The following ANKRD31 variants were observed in gnomAD, a reference collection of about 807,000 sequenced individuals.
ANKRD31 encodes the protein ankyrin repeat domain-containing protein 31.
Under a neutral mutation model 186.0 loss-of-function variants are expected in ANKRD31, and 147 were observed. The observed-to-expected ratio is 0.79, with a 90% CI of 0.69 to 0.91. ANKRD31 has a LOEUF of 0.91. ANKRD31 is among the 40% of genes least tolerant of loss of function. The pLI is 0.00. For synonymous variants in ANKRD31, 673 were observed against 736.4 expected, an observed-to-expected ratio of 0.91 and a Z score of 1.39; for missense variants, 1,986 against 2,148.8, an observed-to-expected ratio of 0.92 and a Z score of 1.50.
chr5:75,071,844 G>A (rs1010846348), intron 25 of ANKRD31, among the ~76,000 whole-genome samples: 1 of 152,158 alleles, frequency 6.6e-6, no homozygotes, highest in Non-Finnish European at 1.5e-5. Context: ...TAGGGATAGG[G>A]CAGGAATCTT....
At chr5:75,187,488 G>C (rs542611668) in intron 10 of ANKRD31, among the ~76,000 whole-genome samples, 1 of 151,818 alleles carries the variant, frequency 6.6e-6, no homozygotes, top group African/African-American at 2.4e-5. Context: ...AAAGAAACAT[G>C]TTAAGAGAGG....
chr5:75,133,191 T>C (rs564770650), intron 17 of ANKRD31, among the ~76,000 whole-genome samples: 1 of 152,306 alleles, frequency 6.6e-6, no homozygotes, highest in Admixed American at 6.5e-5. Context: ...ATGAGCTAAC[T>C]GCTCCAATTA....
At chr5:75,138,615 T>A (rs1003835464) in intron 16 of ANKRD31, among the ~76,000 whole-genome samples, 1 of 152,190 alleles carries the variant, frequency 6.6e-6, no homozygotes, top group Non-Finnish European at 1.5e-5. Flanking sequence ...CCGTTCTGTC[T>A]ACCCTCTCTG....
At chr5:75,195,538 T>C in intron 7 of ANKRD31, 93 bp downstream of exon 7, 1 of 1,077,860 alleles carries the variant, frequency 9.3e-7, no homozygotes. Flanking sequence ...TATTTTCAGC[T>C]ACTTGCTCCA....
intron 23 of ANKRD31, among the ~76,000 whole-genome samples, chr5:75,087,740 GA>G (rs1257387993): frequency 6.6e-6 from 1 of 152,036 alleles, no homozygotes; most frequent in Non-Finnish European, 1.5e-5. Context: ...TTGTGGCTAA[GA>G]AAATAAAAAT....
At position 75,091,478 on chromosome 5, in the gene ANKRD31, A is replaced by C. The variant is rs1351922326; in HGVS notation, c.5332-77T>G. On this transcript the variant is annotated intron_variant, in intron 22 of 25. Transcript: ENST00000506364. ...GAATTTTTGCTTCTGGCCATGACAA[A>C]GTAACAGGGACCACATATACCCTAA... 2.2e-6 allele frequency: 3 copies of C among 1,365,110 alleles called. No homozygotes were observed. In the African/African-American group the frequency reaches 4.4e-5, roughly 20 times the overall value. The allele number at this position is 1,365,110 out of a possible 1,614,324, so 84.6% of individuals were successfully genotyped here.
intron 20 of ANKRD31, among the ~76,000 whole-genome samples, chr5:75,109,846 C>T (rs1418348080): frequency 2.0e-5 from 3 of 152,044 alleles, no homozygotes; most frequent in African/African-American, 4.8e-5. Context: ...AAAATAGAAG[C>T]TGAGAGAAGA....
At chr5:75,212,196 T>A (rs10066946) in intron 3 of ANKRD31, among the ~76,000 whole-genome samples, 76,681 of 151,928 alleles carry the variant, frequency 0.5, 22,285 homozygotes, top group African/African-American at 0.81. Flanking sequence ...CTCTTTTTTT[T>A]ATTCCTAGTT....
chr5:75,202,084 T>C (rs1755857988), intron 5 of ANKRD31, among the ~76,000 whole-genome samples: 1 of 152,214 alleles, frequency 6.6e-6, no homozygotes, highest in African/African-American at 2.4e-5. Flanking sequence ...CACATATTGA[T>C]TGATGTCTCA....
intron 22 of ANKRD31, among the ~76,000 whole-genome samples, chr5:75,100,029 A>C (rs1388276935): frequency 6.6e-6 from 1 of 152,064 alleles, no homozygotes; most frequent in African/African-American, 2.4e-5. Flanking sequence ...TGTCAATTTT[A>C]GGTCTTTCCT....
rs768232465 is a variant in ANKRD31 at position 75,068,602 on chromosome 5, T to C, written c.5710A>G (p.Ile1904Val). ...RYLQINEILL[I>V]SDQEFLPCHI... ...CATGGGAGAAATTCTTGATCACTGA[T>C]TAATAGTATTTCATTTATTTGTAGA... The change falls in exon 26 of 26, where the codon ATC becomes GTC. Residue 1904 changes from isoleucine to valine, a missense_variant. Physicochemically the swap from Ile to Val is conservative, Grantham distance 29 (BLOSUM62 3). Coordinates refer to ENST00000506364, the MANE Select transcript of ANKRD31 (RefSeq NM_001372053.1). The C allele has an allele frequency of 1.4e-5, 22 of 1,524,084 alleles. No individual in the cohort carries two copies. Among genetic ancestry groups the C allele is most frequent in the Middle Eastern group, 1.7e-4 (1 of 5,984 alleles). 94.4% of individuals were successfully genotyped at this position (1,524,084 alleles called of 1,614,324 possible). A position where few individuals can be genotyped will look rare whatever the true frequency, so the allele number is the denominator to read the frequency against.
chr5:75,195,415 A>T (rs1755395409), intron 7 of ANKRD31, among the ~76,000 whole-genome samples: 1 of 151,728 alleles, frequency 6.6e-6, no homozygotes, highest in African/African-American at 2.4e-5. Flanking sequence ...TTCTAAAAAG[A>T]TCACTCTATG....
At chr5:75,113,343 T>A (rs1346720061) in intron 19 of ANKRD31, among the ~76,000 whole-genome samples, 2 of 152,184 alleles carry the variant, frequency 1.3e-5, no homozygotes, top group African/African-American at 4.8e-5. Context: ...ATAAAACCCA[T>A]CTCATACAGG....
At chr5:75,234,154 C>T (rs1006195720) in intron 1 of ANKRD31, among the ~76,000 whole-genome samples, 5 of 151,904 alleles carry the variant, frequency 3.3e-5, no homozygotes, top group East Asian at 1.9e-4. Flanking sequence ...TAATGTTAAG[C>T]GAAAACTGTA....
intron 20 of ANKRD31, among the ~76,000 whole-genome samples, chr5:75,108,600 C>A (rs570651024): frequency 6.6e-6 from 1 of 152,150 alleles, no homozygotes; most frequent in Non-Finnish European, 1.5e-5. Context: ...TTGAGAAAAT[C>A]TGTGGTAGAA....
chr5:75,132,186 A>G (rs1458265754), intron 17 of ANKRD31, among the ~76,000 whole-genome samples: 1 of 152,394 alleles, frequency 6.6e-6, no homozygotes, highest in Admixed American at 6.5e-5. Flanking sequence ...TGAGGGAAGA[A>G]GGCTTCAGAC....
intron 1 of ANKRD31, among the ~76,000 whole-genome samples, chr5:75,235,949 G>C (rs1353844539): frequency 1.3e-5 from 2 of 152,166 alleles, no homozygotes; most frequent in Non-Finnish European, 2.9e-5. Context: ...GAGAGAGAGG[G>C]AAAGGAGAAT....
At chr5:75,164,448 T>C (rs907431574) in intron 11 of ANKRD31, among the ~76,000 whole-genome samples, 1 of 152,236 alleles carries the variant, frequency 6.6e-6, no homozygotes, top group African/African-American at 2.4e-5. Flanking sequence ...GGACACTCAC[T>C]GAAAGTCATT....
chr5:75,225,262 A>G (rs957776890), intron 2 of ANKRD31, among the ~76,000 whole-genome samples: 4 of 152,232 alleles, frequency 2.6e-5, no homozygotes, highest in South Asian at 2.1e-4. Context: ...AGTATCATTA[A>G]TTCATTAAAT....
Sources: allele counts gnomAD v4.1 joint callset (sites outside exome capture counted in the v4.1 genomes callset), GRCh38; gene constraint gnomAD v4.1.1; transcripts MANE v1.5; gene names NCBI Gene and HGNC (gene_info 2026-07-23, HGNC 2026-07-21).